Variants in PDE5A observed in about 807,000 individuals in gnomAD.
The protein encoded by PDE5A is phosphodiesterase 5A.
In PDE5A, 67 loss-of-function variants were observed where a neutral mutation model predicts 110.2. The ratio of observed to expected loss-of-function variants is 0.61; its 90% confidence interval spans 0.50 to 0.75. PDE5A has a LOEUF of 0.75. Among genes scored for constraint, PDE5A ranks in the 30% least tolerant of loss-of-function variants. PDE5A has a pLI of 0.00. For synonymous variants in PDE5A, 328 were observed against 351.2 expected (o/e 0.93, Z 0.74); for missense variants, 862 against 1,045.1 (o/e 0.82, Z 2.42).
chr4:119,529,342 G>T (rs778169450), intron 11 of PDE5A, among the ~76,000 whole-genome samples: 10 of 152,056 alleles, frequency 6.6e-5, no homozygotes, highest in Non-Finnish European at 1.0e-4. Flanking sequence ...TGATAGCAAG[G>T]CTCCATTAAC....
intron 9 of PDE5A, chr4:119,549,163 G>A (rs1249792711): frequency 6.6e-6 from 1 of 152,112 alleles, no homozygotes; most frequent in African/African-American, 2.4e-5. Context: ...ATAAGATGAC[G>A]TGGTAGTGAC....
At position 119,569,320 on chromosome 4, in the gene PDE5A, A is replaced by C. The variant is rs567843847; in HGVS notation, c.832-2176T>G. Among the ~76,000 whole-genome samples, 38 of 152,264 alleles carry C rather than the reference A, an allele frequency of 2.5e-4. No homozygotes were observed. The South Asian group carries it at 4.3e-3, about 17-fold the overall frequency. The stretch of plus-strand genomic sequence containing the variant: ...CTCCCAAAGTGCTGGGATTACAAAC[A>C]TACAGTAAGATAGAAGAAATAAATT... On this transcript the variant is annotated intron_variant, in intron 3 of 20. Transcript: ENST00000354960.
At chr4:119,562,281 TG>T (rs1358850216) in intron 6 of PDE5A, among the ~76,000 whole-genome samples, 1 of 152,192 alleles carries the variant, frequency 6.6e-6, no homozygotes, top group Non-Finnish European at 1.5e-5. Flanking sequence ...ACAAAATCAA[TG>T]GACTGAAATC....
At chr4:119,559,402 T>C (rs1727664196) in intron 7 of PDE5A, among the ~76,000 whole-genome samples, 1 of 152,204 alleles carries the variant, frequency 6.6e-6, no homozygotes, top group Non-Finnish European at 1.5e-5. Context: ...TAATTCATCA[T>C]TTTGGACTTT....
chr4:119,516,462 A>G (rs1200194883), intron 14 of PDE5A, among the ~76,000 whole-genome samples: 1 of 152,214 alleles, frequency 6.6e-6, no homozygotes, highest in African/African-American at 2.4e-5. Flanking sequence ...AAATGCATCT[A>G]CAACAGTCTT....
chr4:119,522,738 G>A (rs1399391686), intron 12 of PDE5A, among the ~76,000 whole-genome samples: 1 of 151,936 alleles, frequency 6.6e-6, no homozygotes, highest in East Asian at 1.9e-4. Flanking sequence ...TTACCAGGAT[G>A]TTCTCAACAG....
chr4:119,542,432 T>C, intron 10 of PDE5A, 27 bp downstream of exon 10: 1 of 1,607,714 alleles, frequency 6.2e-7, no homozygotes, highest in Non-Finnish European at 8.5e-7. Flanking sequence ...GGCTGTACAG[T>C]GTGAGAGGTC....
chr4:119,517,079 T>C (rs1280563103), intron 14 of PDE5A: 2 of 152,230 alleles, frequency 1.3e-5, no homozygotes, highest in Non-Finnish European at 2.9e-5. Context: ...GGGGCAACTT[T>C]CTATTGGAGA....
At chr4:119,556,864 C>A (rs1727559572) in intron 7 of PDE5A, among the ~76,000 whole-genome samples, 1 of 152,022 alleles carries the variant, frequency 6.6e-6, no homozygotes, top group African/African-American at 2.4e-5. Flanking sequence ...TACAGATTGT[C>A]AAGAATAAAA....
intron 8 of PDE5A, 108 bp downstream of exon 8, chr4:119,553,530 C>T: frequency 5.5e-6 from 4 of 726,932 alleles, no homozygotes; most frequent in Non-Finnish European, 1.0e-5. Context: ...ACAGATCATT[C>T]CTAAACAGTC....
At chr4:119,594,573 T>C (rs1729090980) in intron 3 of PDE5A, among the ~76,000 whole-genome samples, 1 of 152,214 alleles carries the variant, frequency 6.6e-6, no homozygotes, top group South Asian at 2.1e-4. Context: ...TCTTTAAAAA[T>C]TTGATATACC....
At chr4:119,593,344 T>G (rs1344549303) in intron 3 of PDE5A, among the ~76,000 whole-genome samples, 1 of 152,188 alleles carries the variant, frequency 6.6e-6, no homozygotes, top group African/African-American at 2.4e-5. Context: ...TATCAACTGA[T>G]GAATGCATAA....
chr4:119,608,169 G>T (rs1729607923), intron 1 of PDE5A, among the ~76,000 whole-genome samples: 1 of 152,062 alleles, frequency 6.6e-6, no homozygotes. Context: ...AATAATGTTT[G>T]TTTAATAATG....
At chr4:119,581,154 G>A (rs1211900787) in intron 3 of PDE5A, among the ~76,000 whole-genome samples, 1 of 152,142 alleles carries the variant, frequency 6.6e-6, no homozygotes, top group African/African-American at 2.4e-5. Flanking sequence ...AGTATAGAGT[G>A]GTGTGCCCAT....
chr4:119,496,703 T>C lies in PDE5A; in HGVS notation c.*1898A>G, dbSNP rs201597913. ...GCAATTTTTCTATACTAAGGATTTA[T>C]GTATGCATGCATAAGTATACACCTG... On this transcript the variant is annotated 3_prime_UTR_variant, in exon 21 of 21. Coordinates refer to ENST00000354960, the MANE Select transcript of PDE5A (RefSeq NM_001083.4). 28 of 152,692 alleles carry C rather than the reference T, an allele frequency of 1.8e-4. No homozygotes were observed. The highest frequency in any genetic ancestry group is 6.7e-4 in the African/African-American group (28 of 41,574). 9.5% of individuals were successfully genotyped at this position (152,692 alleles called of 1,614,324 possible).
At chr4:119,553,876 G>A (rs1396869383) in intron 7 of PDE5A, 130 bp from the exon 8 acceptor site, 2 of 577,450 alleles carry the variant, frequency 3.5e-6, no homozygotes, top group Non-Finnish European at 6.1e-6. Context: ...TTTGGAAAAT[G>A]TAGCTTTAAA....
At chr4:119,536,282 A>C (rs1207367200) in intron 11 of PDE5A, among the ~76,000 whole-genome samples, 2 of 152,170 alleles carry the variant, frequency 1.3e-5, no homozygotes, top group Non-Finnish European at 2.9e-5. Context: ...TTTAGAAATT[A>C]TTGCTAGCTT....
chr4:119,567,143 A>G lies in PDE5A; in HGVS notation c.833T>C (p.Val278Ala). 6.2e-7 allele frequency: 1 copy of G among 1,611,640 alleles called. No individual in the cohort carries two copies. Among genetic ancestry groups the G allele is most frequent in the Non-Finnish European group, 8.5e-7 (1 of 1,177,930 alleles). ...CMPIKNHREE[V>A]VGVAQAINKK... ...GTTGATGGCCTGGGCTACACCAACA[A>G]CCTGGTATAAGGAGAGAAAAGCGAC... Residue 278 changes from valine to alanine, a missense_variant and splice_region_variant, in exon 4 of 21, where the codon GTT becomes GCT. Coordinates refer to ENST00000354960, the MANE Select transcript of PDE5A (RefSeq NM_001083.4).
intron 18 of PDE5A, 51 bp downstream of exon 18, chr4:119,504,485 A>G (rs1326889299): frequency 7.1e-6 from 10 of 1,412,198 alleles, no homozygotes; most frequent in Non-Finnish European, 1.0e-5. Context: ...ATTGCTGGGT[A>G]GAATGTTATT....
Sources: allele counts gnomAD v4.1 joint callset (sites outside exome capture counted in the v4.1 genomes callset), GRCh38; gene constraint gnomAD v4.1.1; transcripts MANE v1.5; gene names NCBI Gene and HGNC (gene_info 2026-07-23, HGNC 2026-07-21).